Variants in FGF14 observed in about 807,000 individuals in gnomAD.
The protein encoded by FGF14 is fibroblast growth factor homologous factor 4.
FGF14 carries 5 observed loss-of-function variants against 25.5 expected under a neutral mutation model. That is an observed-to-expected ratio of 0.20 (90% CI 0.10 to 0.41). The LOEUF (loss-of-function observed/expected upper bound fraction) is 0.41, where lower values mean the gene tolerates loss of function less well. FGF14 is among the 10% of genes least tolerant of loss of function. The pLI is 1.00. For missense variants in FGF14, 222 were observed against 320.1 expected, an observed-to-expected ratio of 0.69 and a Z score of 2.34; for synonymous variants, 138 against 118.3, an observed-to-expected ratio of 1.17 and a Z score of -1.08.
chr13:101,867,946 A>G (rs1221135570), intron 3 of FGF14, among the ~76,000 whole-genome samples: 1 of 151,512 alleles, frequency 6.6e-6, no homozygotes, highest in African/African-American at 2.4e-5. Context: ...GCGCACACAC[A>G]CAATATGTGT....
At chr13:101,783,610 C>T (rs2039642838) in intron 3 of FGF14, among the ~76,000 whole-genome samples, 2 of 152,002 alleles carry the variant, frequency 1.3e-5, no homozygotes, top group Non-Finnish European at 2.9e-5. Flanking sequence ...AAATTATCTC[C>T]CATTGTCTAG....
chr13:102,280,058 C>T (rs988775980), intron 1 of FGF14, among the ~76,000 whole-genome samples: 2 of 152,154 alleles, frequency 1.3e-5, no homozygotes, highest in Non-Finnish European at 2.9e-5. Flanking sequence ...ATAATAATTA[C>T]AAATATCATT....
intron 1 of FGF14, among the ~76,000 whole-genome samples, chr13:102,158,490 A>C (rs2047457001): frequency 6.8e-6 from 1 of 146,164 alleles, no homozygotes; most frequent in Non-Finnish European, 1.5e-5. Flanking sequence ...TGGACACAGG[A>C]AGGGGAACAT....
At chr13:101,813,656 C>G (rs2041690618) in intron 3 of FGF14, among the ~76,000 whole-genome samples, 1 of 151,794 alleles carries the variant, frequency 6.6e-6, no homozygotes, top group Non-Finnish European at 1.5e-5. Flanking sequence ...CTATTTGAAC[C>G]TCAAACAGTG....
chr13:101,937,369 G>A (rs971987431), intron 1 of FGF14, among the ~76,000 whole-genome samples: 1 of 152,164 alleles, frequency 6.6e-6, no homozygotes, highest in Non-Finnish European at 1.5e-5. Flanking sequence ...GAGGCTGTCA[G>A]GTGGGTCCTA....
intron 3 of FGF14, among the ~76,000 whole-genome samples, chr13:101,782,535 T>C (rs1278155783): frequency 6.6e-6 from 1 of 152,158 alleles, no homozygotes; most frequent in Admixed American, 6.6e-5. Flanking sequence ...CTCTCCCTCC[T>C]CCTACCCTTC....
At chr13:102,019,457 C>A (rs1001856176) in intron 1 of FGF14, among the ~76,000 whole-genome samples, 1 of 152,088 alleles carries the variant, frequency 6.6e-6, no homozygotes, top group Non-Finnish European at 1.5e-5. Flanking sequence ...GCCTGACTTC[C>A]CTGATTTCTA....
chr13:102,136,255 T>C (rs1258761177), intron 1 of FGF14, among the ~76,000 whole-genome samples: 1 of 152,172 alleles, frequency 6.6e-6, no homozygotes, highest in Admixed American at 6.5e-5. Flanking sequence ...TTACCAATTA[T>C]ATGTGTTTTA....
intron 1 of FGF14, among the ~76,000 whole-genome samples, chr13:102,082,671 G>A (rs1203023901): frequency 1.3e-5 from 2 of 151,966 alleles, no homozygotes; most frequent in African/African-American, 4.8e-5. Context: ...AGAGTACTTT[G>A]GGGCCGGGCG....
intron 1 of FGF14, among the ~76,000 whole-genome samples, chr13:102,195,828 T>TA (rs987467807): frequency 2.7e-5 from 4 of 147,346 alleles, no homozygotes; most frequent in East Asian, 2.0e-4. Flanking sequence ...AAAACAACAG[T>TA]AAAAAAAACC....
At chr13:102,177,810 C>T (rs1010786513) in intron 1 of FGF14, among the ~76,000 whole-genome samples, 5 of 151,858 alleles carry the variant, frequency 3.3e-5, no homozygotes, top group African/African-American at 7.3e-5. Flanking sequence ...AAAAAGTAAT[C>T]TTCATTTTAT....
At chr13:102,070,727 A>C (rs920521440) in intron 1 of FGF14, among the ~76,000 whole-genome samples, 7 of 152,238 alleles carry the variant, frequency 4.6e-5, no homozygotes, top group Non-Finnish European at 1.0e-4. Flanking sequence ...TAAACCAGTG[A>C]GTTTTCATGG....
chr13:102,167,620 T>C (rs1434294684), intron 1 of FGF14, among the ~76,000 whole-genome samples: 1 of 152,166 alleles, frequency 6.6e-6, no homozygotes, highest in East Asian at 1.9e-4. Context: ...TAATTTTCAC[T>C]GTTTTGCTAC....
intron 1 of FGF14, among the ~76,000 whole-genome samples, chr13:102,161,660 A>AGACGAAGACGAAGACGAAGACGAAGAC: frequency 3.8e-4 from 8 of 21,204 alleles, no homozygotes; most frequent in Non-Finnish European, 5.5e-4. Flanking sequence ...AAGAAGAAGA[A>AGACGAAGACGAAGACGAAGACGAAGAC]GAAGAAGAAG....
chr13:101,790,383 AT>A (rs1334582194), intron 3 of FGF14, among the ~76,000 whole-genome samples: 2 of 148,550 alleles, frequency 1.3e-5, no homozygotes, highest in Non-Finnish European at 3.0e-5. Context: ...ATTGGGGTAG[AT>A]TTACTAGCTG....
intron 1 of FGF14, among the ~76,000 whole-genome samples, chr13:102,236,769 G>C (rs1266327200): frequency 1.3e-5 from 2 of 152,190 alleles, no homozygotes; most frequent in African/African-American, 4.8e-5. Flanking sequence ...TAAAGTGGGT[G>C]TCTAGTAAGT....
chr13:102,364,351 GTA>G (rs1437073465), intron 1 of FGF14, among the ~76,000 whole-genome samples: 1 of 152,218 alleles, frequency 6.6e-6, no homozygotes, highest in Middle Eastern at 3.2e-3. Context: ...TTTGAAATGT[GTA>G]TAACAGGCCA....
At chr13:101,797,749 G>A (rs879734966) in intron 3 of FGF14, among the ~76,000 whole-genome samples, 30 of 147,340 alleles carry the variant, frequency 2.0e-4, no homozygotes, top group Admixed American at 4.7e-4. Flanking sequence ...GTGTGTGTGT[G>A]TGTGTGTGTG....
intron 1 of FGF14, among the ~76,000 whole-genome samples, chr13:102,341,640 A>AG (rs2056955412): frequency 6.6e-6 from 1 of 152,198 alleles, no homozygotes. Context: ...CCACCTTTCA[A>AG]GGTTTCCAAG....
Sources: allele counts gnomAD v4.1 joint callset (sites outside exome capture counted in the v4.1 genomes callset), GRCh38; gene constraint gnomAD v4.1.1; transcripts MANE v1.5; gene names NCBI Gene and HGNC (gene_info 2026-07-23, HGNC 2026-07-21).